ZDHHC2: variants seen among roughly 807,000 people sequenced by gnomAD.
The protein encoded by ZDHHC2 is zDHHC palmitoyltransferase 2.
ZDHHC2 carries 51 observed loss-of-function variants against 55.6 expected under a neutral mutation model. The observed-to-expected ratio is 0.92, with a 90% CI of 0.73 to 1.16. The LOEUF is 1.16. Among genes scored for constraint, ZDHHC2 ranks in the 50% most tolerant of loss-of-function variants. The probability of loss-of-function intolerance (pLI) is 0.00; values close to 1 mark genes in which losing one functional copy is unlikely to be tolerated. For missense variants in ZDHHC2, 491 were observed against 442.4 expected (o/e 1.11, Z -0.99); for synonymous variants, 199 against 152.9 (o/e 1.30, Z -2.22).
Position 17,186,442 on chromosome 8 carries a change from AC to A in ZDHHC2, c.252+18del. ...TCAAAAGAAGTAAGTTAAAATATTA[AC>A]GAAATTATTCTAATAATAGAAATCA... On this transcript the variant is annotated intron_variant, in intron 3 of 12. Transcript: ENST00000262096. 7.2e-7 allele frequency: 1 copy of A among 1,394,574 alleles called. No individual in the cohort carries two copies. The highest frequency in any genetic ancestry group is 1.5e-5 in the African/African-American group (1 of 66,446). The allele number at this position is 1,394,574 out of a possible 1,614,324, so 86.4% of individuals were successfully genotyped here.
At chr8:17,160,123 G>A (rs114550597) in intron 1 of ZDHHC2, among the ~76,000 whole-genome samples, 1 of 152,178 alleles carries the variant, frequency 6.6e-6, no homozygotes, top group African/African-American at 2.4e-5. Context: ...GGCTGCTGCT[G>A]TGTTAACTTC....
At chr8:17,195,371 A>G in intron 3 of ZDHHC2, 133 bp from the exon 4 acceptor site, 2 of 1,075,000 alleles carry the variant, frequency 1.9e-6, no homozygotes, top group Non-Finnish European at 2.6e-6. Context: ...CCACGTTTCA[A>G]ACTCTATTGT....
At chr8:17,196,156 A>G (rs558211682) in intron 4 of ZDHHC2, among the ~76,000 whole-genome samples, 2 of 152,128 alleles carry the variant, frequency 1.3e-5, no homozygotes, top group African/African-American at 4.8e-5. Context: ...ATTTTAAGGT[A>G]ATTTGACAAC....
intron 6 of ZDHHC2, among the ~76,000 whole-genome samples, chr8:17,199,708 C>T (rs1220504906): frequency 1.4e-5 from 2 of 146,546 alleles, no homozygotes; most frequent in East Asian, 4.2e-4. Context: ...CTTCTTCCTT[C>T]TTTCTTCTTC....
intron 1 of ZDHHC2, among the ~76,000 whole-genome samples, chr8:17,167,431 G>C (rs138058342): frequency 2.7e-5 from 4 of 150,324 alleles, no homozygotes; most frequent in South Asian, 2.1e-4. Flanking sequence ...TCAGCCTCTC[G>C]AGTAGCTGGG....
intron 6 of ZDHHC2, among the ~76,000 whole-genome samples, chr8:17,204,640 A>T (rs757253339): frequency 3.9e-5 from 6 of 152,138 alleles, no homozygotes; most frequent in Non-Finnish European, 7.4e-5. Flanking sequence ...AGGGAACAAC[A>T]CACACTGGGG....
In ZDHHC2 at chr8:17,197,845, GC is replaced by G. The variant is rs558683323; in HGVS notation, c.443+199del. ...TAAGGCCACAGTCAAGTGTCAATTT[GC>G]CCCCAGATTCACGGTGCCCTGAAGT... is the stretch of plus-strand genomic sequence containing the variant. On this transcript the variant is annotated intron_variant, in intron 5 of 12. Coordinates refer to ENST00000262096, the MANE Select transcript of ZDHHC2 (RefSeq NM_016353.5). Among the ~76,000 whole-genome samples, 925 of 152,272 alleles carry G rather than the reference GC, an allele frequency of 6.1e-3. 10 individuals carry two copies. Among genetic ancestry groups the G allele is most frequent in the African/African-American group, 0.02 (838 of 41,542 alleles).
rs936098305 is a variant in ZDHHC2 at position 17,184,773 on chromosome 8, T to A, written c.131-16T>A. On this transcript the variant is annotated splice_polypyrimidine_tract_variant and intron_variant, in intron 1 of 12. Coordinates refer to ENST00000262096, the MANE Select transcript of ZDHHC2 (RefSeq NM_016353.5). ...ATAAGCTTCATGTAACCTATTACCT[T>A]TTTTTCTCTTTACAGTGTCCATGGA... The A allele has an allele frequency of 6.5e-6, 10 of 1,549,280 alleles. No homozygotes were observed. The highest frequency in any genetic ancestry group is 4.8e-5 in the South Asian group (4 of 83,288).
intron 1 of ZDHHC2, among the ~76,000 whole-genome samples, chr8:17,174,690 T>G (rs549574463): frequency 1.7e-4 from 26 of 149,064 alleles, no homozygotes; most frequent in African/African-American, 6.4e-4. Flanking sequence ...TTTTTGTGTT[T>G]GATATTGTGT....
rs1297119642 is a variant in ZDHHC2, at chr8:17,156,942, C to T, written c.130+89C>T. On this transcript the variant is annotated intron_variant, in intron 1 of 12. Transcript: ENST00000262096. ...GCTCAGCCGCTCCTCCGCTCTCGCC[C>T]CCCGGATGCGCCCCGGGCGCTGCCA... 5 of 1,260,438 alleles carry T rather than the reference C, an allele frequency of 4.0e-6. No individual in the cohort carries two copies. In the African/African-American group the frequency reaches 6.4e-5, roughly 16 times the overall value. The allele number at this position is 1,260,438 out of a possible 1,614,324, so 78.1% of individuals were successfully genotyped here.
intron 10 of ZDHHC2, 62 bp downstream of exon 10, chr8:17,210,542 T>G: frequency 7.2e-7 from 1 of 1,379,348 alleles, no homozygotes; most frequent in Non-Finnish European, 9.8e-7. Context: ...TTGTGTCTTT[T>G]GGTTATATGT....
chr8:17,210,071 T>A lies in ZDHHC2; in HGVS notation c.857+13T>A. On this transcript the variant is annotated intron_variant, in intron 9 of 12. Coordinates refer to ENST00000262096, the MANE Select transcript of ZDHHC2 (RefSeq NM_016353.5). Reference sequence around the variant, plus strand: ...CCATTTTTTCAAGGTACTTCTTTGTTAAAATTTTCAGGCTTTAAACTAATG... The same window carrying A: ...CCATTTTTTCAAGGTACTTCTTTGTAAAAATTTTCAGGCTTTAAACTAATG... The A allele has an allele frequency of 6.3e-7, 1 of 1,581,626 alleles. No individual in the cohort carries two copies.
At chr8:17,217,347 T>G (rs908121564) in intron 12 of ZDHHC2, 101 bp downstream of exon 12, 9 of 875,904 alleles carry the variant, frequency 1.0e-5, no homozygotes, top group Middle Eastern at 7.4e-4. Context: ...TGTGAGTGAT[T>G]CATATAGAAG....
At chr8:17,167,304 CTTTTTTTT>C (rs371848954) in intron 1 of ZDHHC2, among the ~76,000 whole-genome samples, 6 of 108,776 alleles carry the variant, frequency 5.5e-5, no homozygotes, top group East Asian at 5.1e-4. Context: ...TTTTTTTTAA[CTTTTTTTT>C]TTTTTTTTTT....
intron 6 of ZDHHC2, among the ~76,000 whole-genome samples, chr8:17,199,292 G>T (rs971024164): frequency 2.0e-5 from 3 of 152,068 alleles, no homozygotes; most frequent in Non-Finnish European, 4.4e-5. Context: ...CCTTTAAAGC[G>T]TTCAGGCTAG....
rs1260818595 is a variant in ZDHHC2 at position 17,222,861 on chromosome 8, CAT to C, written c.*2642_*2643del. ...ATTCATGTCTTCAATGTGGCCATAA[CAT>C]AGGTCTTGGGAGGGGTGGTGAGAAA... On this transcript the variant is annotated 3_prime_UTR_variant, in exon 13 of 13. Coordinates refer to ENST00000262096, the MANE Select transcript of ZDHHC2 (RefSeq NM_016353.5). 1.3e-5 allele frequency: 2 copies of C among 151,766 alleles called. No homozygotes were observed. Among genetic ancestry groups the C allele is most frequent in the East Asian group, 3.9e-4 (2 of 5,190 alleles). The allele number at this position is 151,766 out of a possible 1,614,324, so 9.4% of individuals were successfully genotyped here.
chr8:17,216,510 T>G (rs1443356541), intron 11 of ZDHHC2, among the ~76,000 whole-genome samples: 2 of 152,170 alleles, frequency 1.3e-5, no homozygotes, highest in Admixed American at 1.3e-4. Flanking sequence ...AAACAAAAGT[T>G]GATGACACTG....
chr8:17,172,065 A>G lies in ZDHHC2; in HGVS notation c.131-12724A>G, dbSNP rs552588038. On this transcript the variant is annotated intron_variant, in intron 1 of 12. Coordinates refer to ENST00000262096, the MANE Select transcript of ZDHHC2 (RefSeq NM_016353.5). ...CAGTTCCCAGGAATTCGTCCGATTG[A>G]TAAAGCCCAAAGCCCCGCGTCTATC... Among the ~76,000 whole-genome samples, 7 of 152,172 alleles carry G rather than the reference A, an allele frequency of 4.6e-5. No individual in the cohort carries two copies. In the East Asian group the frequency reaches 1.4e-3, roughly 30 times the overall value.
At chr8:17,184,702 A>G (rs1391677857) in intron 1 of ZDHHC2, 87 bp from the exon 2 acceptor site, 5 of 1,108,124 alleles carry the variant, frequency 4.5e-6, no homozygotes, top group East Asian at 2.6e-5. Context: ...AAGCCACATT[A>G]TTAAGCTACT....
Sources: allele counts gnomAD v4.1 joint callset (sites outside exome capture counted in the v4.1 genomes callset), GRCh38; gene constraint gnomAD v4.1.1; transcripts MANE v1.5; gene names NCBI Gene and HGNC (gene_info 2026-07-23, HGNC 2026-07-21).